KCNIP2: variants seen among roughly 807,000 people sequenced by gnomAD.
KCNIP2 encodes the protein A-type potassium channel modulatory protein KCNIP2.
KCNIP2 carries 19 observed loss-of-function variants against 39.0 expected under a neutral mutation model. The ratio of observed to expected loss-of-function variants is 0.49; its 90% CI spans 0.34 to 0.71. KCNIP2 has a LOEUF of 0.71. Among genes scored for constraint, KCNIP2 ranks in the 30% least tolerant of loss-of-function variants. The probability of loss-of-function intolerance (pLI) is 0.01; values close to 1 mark genes in which losing one functional copy is unlikely to be tolerated. For synonymous variants in KCNIP2, 111 were observed against 131.2 expected, an observed-to-expected ratio of 0.85 and a Z score of 1.05; for missense variants, 261 against 346.0, an observed-to-expected ratio of 0.75 and a Z score of 1.95.
Position 101,831,132 on chromosome 10 carries a change from G to T in KCNIP2, c.109C>A (p.Gln37Lys). ...CACGGCAGCAGCTTGAGGAATCGCT[G>T]CTTCAGCGCTTTTTTAGTGGGCCCT... ...PPGPTKKALKQRFLKLLPCCG... is the reference protein window; with the variant it reads ...PPGPTKKALKKRFLKLLPCCG... The change falls in exon 2 of 10, where the codon CAG (glutamine) becomes AAG (lysine). Residue 37 changes from glutamine to lysine, a missense_variant. Coordinates refer to ENST00000356640, the MANE Select transcript of KCNIP2 (RefSeq NM_173191.3). 1 of 1,612,018 alleles carries T rather than the reference G, an allele frequency of 6.2e-7. No individual in the cohort carries two copies.
intron 1 of KCNIP2, chr10:101,839,740 T>C (rs750045303): frequency 6.2e-7 from 1 of 1,611,848 alleles, no homozygotes; most frequent in Non-Finnish European, 8.5e-7. Flanking sequence ...CTCCCTTCCC[T>C]TCCTCATCAT....
intron 1 of KCNIP2, among the ~76,000 whole-genome samples, chr10:101,842,549 G>A (rs2066364412): frequency 6.6e-6 from 1 of 152,216 alleles, no homozygotes; most frequent in South Asian, 2.1e-4. Flanking sequence ...AATAATCTCA[G>A]TACATGATTT....
Position 101,831,177 on chromosome 10 carries a change from G to A in KCNIP2, c.74-10C>T, listed in dbSNP as rs779923232. 1.3e-6 allele frequency: 2 copies of A among 1,588,076 alleles called. No individual in the cohort carries two copies. Among genetic ancestry groups the A allele is most frequent in the Non-Finnish European group, 8.6e-7 (1 of 1,165,598 alleles). On this transcript the variant is annotated splice_polypyrimidine_tract_variant and intron_variant, in intron 1 of 9. Coordinates refer to ENST00000356640, the MANE Select transcript of KCNIP2 (RefSeq NM_173191.3). ...GGCCCTGGAGGGTGGCCTGGGAAGA[G>A]AGAAGACCCCAGGAAGGCACATTAA... is the stretch of plus-strand genomic sequence containing the variant.
At chr10:101,829,449 G>A (rs2065880426) in intron 3 of KCNIP2, 2 of 503,680 alleles carry the variant, frequency 4.0e-6, no homozygotes, top group South Asian at 3.0e-5. Flanking sequence ...TGCTCGCCCC[G>A]CGGCCCTCGA....
intron 1 of KCNIP2, among the ~76,000 whole-genome samples, chr10:101,841,555 C>T (rs1014542483): frequency 2.6e-5 from 4 of 152,198 alleles, no homozygotes; most frequent in African/African-American, 9.6e-5. Context: ...GCTGTAGACC[C>T]GGACCACAAT....
chr10:101,833,428 C>T (rs2066055137), intron 1 of KCNIP2, among the ~76,000 whole-genome samples: 1 of 152,084 alleles, frequency 6.6e-6, no homozygotes, highest in South Asian at 2.1e-4. Context: ...GAAGCAGGGT[C>T]CCTGATCTGA....
At chr10:101,839,602 C>G in intron 1 of KCNIP2, 1 of 726,486 alleles carries the variant, frequency 1.4e-6, no homozygotes, top group Non-Finnish European at 2.4e-6. Context: ...CGCTTCTGTC[C>G]AGGATCTCGT....
Position 101,843,400 on chromosome 10 carries a change from AGT to A in KCNIP2, c.73+94_73+95del. 1.4e-6 allele frequency: 1 copy of A among 721,956 alleles called. No homozygotes were observed. The highest frequency in any genetic ancestry group is 3.9e-5 in the South Asian group (1 of 25,418). The allele number at this position is 721,956 out of a possible 1,614,324, so 44.7% of individuals were successfully genotyped here. A position where few individuals can be genotyped will look rare whatever the true frequency, so the allele number is the denominator to read the frequency against. ...ATAAGAGTGCCTGGGAATGGGGCAGAGTGTGGGTGCGGGCCAGGCCGGGGTCG... is the reference window on the plus strand; with the variant it reads ...ATAAGAGTGCCTGGGAATGGGGCAGAGTGGGTGCGGGCCAGGCCGGGGTCG... On this transcript the variant is annotated intron_variant, in intron 1 of 9. Coordinates refer to ENST00000356640, the MANE Select transcript of KCNIP2 (RefSeq NM_173191.3). The surrounding 1 kb of genome is among the most constrained non-coding windows in gnomAD (Gnocchi z 6.7).
intron 1 of KCNIP2, chr10:101,839,890 G>T (rs373144914): frequency 5.9e-6 from 9 of 1,526,138 alleles, no homozygotes; most frequent in Non-Finnish European, 7.9e-6. Context: ...GCCCCGGGGC[G>T]GTCCGGTCTC....
At chr10:101,834,164 C>A in intron 1 of KCNIP2, 1 of 398,066 alleles carries the variant, frequency 2.5e-6, no homozygotes, top group Middle Eastern at 6.3e-4. Flanking sequence ...CTCACCTGCT[C>A]ATCCCTGCCC....
chr10:101,829,539 G>C, intron 3 of KCNIP2: 1 of 479,768 alleles, frequency 2.1e-6, no homozygotes, highest in Non-Finnish European at 3.7e-6. Flanking sequence ...TCAAGAGGGG[G>C]CGTCTGAGGG....
At position 101,828,241 on chromosome 10, in the gene KCNIP2, C is replaced by T. The variant is rs748098631; in HGVS notation, c.507G>A (p.Leu169=). 1 of 1,614,086 alleles carries T rather than the reference C, an allele frequency of 6.2e-7. No individual in the cohort carries two copies. The highest frequency in any genetic ancestry group is 2.2e-5 in the East Asian group (1 of 44,878). The change falls in exon 7 of 10, where the codon TTG becomes TTA. Residue 169 remains leucine, a synonymous_variant. Coordinates refer to ENST00000356640, the MANE Select transcript of KCNIP2 (RefSeq NM_173191.3). This position sits in a 1 kb window ranked among gnomAD's most constrained non-coding sequence, Gnocchi z 6.6. ...SVSFEDFVAG[L]SVILRGTVDD... ...CTACAGTTCCCCGAAGAATCACGGA[C>T]AAACCAGCCACAAAGTCCTGGGAAG...
Position 101,828,488 on chromosome 10 carries a change from T to C in KCNIP2, c.419-29A>G, listed in dbSNP as rs1476746455. On this transcript the variant is annotated intron_variant, in intron 5 of 9. Coordinates refer to ENST00000356640, the MANE Select transcript of KCNIP2 (RefSeq NM_173191.3). The surrounding 1 kb of genome is among the most constrained non-coding windows in gnomAD (Gnocchi z 6.6). ...CAGGGTGAGTGTGGAGAAGTTGGCTTCCACACAGGAGAGGACTTCCTCCCT... is the reference window on the plus strand; with the variant it reads ...CAGGGTGAGTGTGGAGAAGTTGGCTCCCACACAGGAGAGGACTTCCTCCCT... The C allele has an allele frequency of 2.5e-6, 4 of 1,612,474 alleles. No homozygotes were observed. Among genetic ancestry groups the C allele is most frequent in the East Asian group, 2.2e-5 (1 of 44,858 alleles).
At chr10:101,842,990 A>C (rs967451769) in intron 1 of KCNIP2, among the ~76,000 whole-genome samples, 1 of 152,228 alleles carries the variant, frequency 6.6e-6, no homozygotes, top group Non-Finnish European at 1.5e-5. Flanking sequence ...ACCACTTCAT[A>C]CAGAATTACA....
At position 101,828,714 on chromosome 10, in the gene KCNIP2, C is replaced by G. The variant is rs763804729; in HGVS notation, c.349-18G>C. ...GGACATTCCTGGAAGGAGAGGGCAC[C>G]AGGCTGAGGGCAGAGACAAAATCCC... On this transcript the variant is annotated intron_variant, in intron 4 of 9. Transcript: ENST00000356640. The surrounding 1 kb of genome is among the most constrained non-coding windows in gnomAD (Gnocchi z 6.6). 32 of 1,614,130 alleles carry G rather than the reference C, an allele frequency of 2.0e-5. No individual in the cohort carries two copies. Among genetic ancestry groups the G allele is most frequent in the Non-Finnish European group, 2.6e-5 (31 of 1,180,012 alleles).
intron 2 of KCNIP2, 61 bp downstream of exon 2, chr10:101,831,011 A>C: frequency 7.1e-7 from 1 of 1,410,164 alleles, no homozygotes; most frequent in Non-Finnish European, 9.9e-7. Context: ...GCACACACTC[A>C]TGCACAGACA....
Position 101,843,316 on chromosome 10 carries a change from C to T in KCNIP2, c.73+180G>A, listed in dbSNP as rs1294962139. Among the ~76,000 whole-genome samples the T allele has an allele frequency of 6.6e-6, 1 of 152,232 alleles. No homozygotes were observed. The highest frequency in any genetic ancestry group is 2.4e-5 in the African/African-American group (1 of 41,462). On this transcript the variant is annotated intron_variant, in intron 1 of 9. Transcript: ENST00000356640. The surrounding 1 kb of genome is among the most constrained non-coding windows in gnomAD (Gnocchi z 6.7). The stretch of plus-strand genomic sequence containing the variant: ...TCCACACCTGCCTCTTCTGTTCCTC[C>T]CCAACCCCTGCGGGACCCAAGGCTT...
At chr10:101,829,244 C>T (rs1377346941) in intron 3 of KCNIP2, 45 bp from the exon 4 acceptor site, 5 of 1,570,570 alleles carry the variant, frequency 3.2e-6, no homozygotes, top group Non-Finnish European at 4.3e-6. Context: ...CCAGCCTCCG[C>T]GACCCCTCTT....
chr10:101,827,242 C>T lies in KCNIP2; in HGVS notation c.*111G>A. The T allele has an allele frequency of 1.4e-6, 2 of 1,422,080 alleles. No homozygotes were observed. The highest frequency in any genetic ancestry group is 2.8e-5 in the African/African-American group (2 of 70,782). The allele number at this position is 1,422,080 out of a possible 1,614,324, so 88.1% of individuals were successfully genotyped here. On this transcript the variant is annotated 3_prime_UTR_variant, in exon 10 of 10. Coordinates refer to ENST00000356640, the MANE Select transcript of KCNIP2 (RefSeq NM_173191.3). ...CCCCAAGCTCTTGGATCCCTCCAGC[C>T]CCCAGGGAGGCGTAGGATGAGGATA...
Sources: allele counts gnomAD v4.1 joint callset (sites outside exome capture counted in the v4.1 genomes callset), GRCh38; gene constraint gnomAD v4.1.1; non-coding constraint Gnocchi (gnomAD v3.1); transcripts MANE v1.5; gene names NCBI Gene and HGNC (gene_info 2026-07-23, HGNC 2026-07-21).